The following EIF3H variants were observed in gnomAD, a reference collection of about 807,000 sequenced individuals.
EIF3H encodes the protein eIF-3-gamma.
In EIF3H, 26 loss-of-function variants were observed where a neutral mutation model predicts 44.2. The observed-to-expected ratio is 0.59, with a 90% CI of 0.43 to 0.82. The LOEUF (loss-of-function observed/expected upper bound fraction) is 0.82. Among genes scored for constraint, EIF3H ranks in the 40% least tolerant of loss-of-function variants. The probability of loss-of-function intolerance (pLI) is 0.00; values close to 1 mark genes in which losing one functional copy is unlikely to be tolerated. For synonymous variants in EIF3H, 166 were observed against 151.9 expected, an observed-to-expected ratio of 1.09 and a Z score of -0.68; for missense variants, 359 against 432.8, an observed-to-expected ratio of 0.83 and a Z score of 1.51.
At chr8:116,743,799 A>ATGTATAT (rs1563659950) in intron 1 of EIF3H, among the ~76,000 whole-genome samples, 1 of 87,064 alleles carries the variant, frequency 1.1e-5, no homozygotes. Flanking sequence ...TATATATATA[A>ATGTATAT]ACACACACAC....
At position 116,729,772 on chromosome 8, in the gene EIF3H, G is replaced by A. The variant is rs765093619; in HGVS notation, c.133-3600C>T. Among the ~76,000 whole-genome samples, 162 of 152,000 alleles carry A rather than the reference G, an allele frequency of 1.1e-3. 1 individual carries two copies. The highest frequency in any genetic ancestry group is 1.8e-3 in the Non-Finnish European group (123 of 67,996). On this transcript the variant is annotated intron_variant, in intron 1 of 7. Transcript: ENST00000521861. Reference sequence around the variant, plus strand: ...TAATGCAAATCTCTCTCTAGGCAAGGGACACTCAAAAAAAGCACTTTCCAA... The same window carrying A: ...TAATGCAAATCTCTCTCTAGGCAAGAGACACTCAAAAAAAGCACTTTCCAA...
At chr8:116,670,745 T>G (rs563571076) in intron 2 of EIF3H, among the ~76,000 whole-genome samples, 54 of 152,338 alleles carry the variant, frequency 3.5e-4, no homozygotes, top group Non-Finnish European at 7.2e-4. Context: ...ATGTTAGAAA[T>G]GTACCTTAGA....
At chr8:116,704,224 C>T (rs538463598) in intron 2 of EIF3H, among the ~76,000 whole-genome samples, 1 of 152,300 alleles carries the variant, frequency 6.6e-6, no homozygotes, top group South Asian at 2.1e-4. Context: ...GGACAAAGTA[C>T]TTAGCTTCTC....
chr8:116,661,461 T>A (rs1457799411), intron 2 of EIF3H, among the ~76,000 whole-genome samples: 1 of 152,228 alleles, frequency 6.6e-6, no homozygotes, highest in Non-Finnish European at 1.5e-5. Flanking sequence ...GCTCTGAGAT[T>A]TCCCCTGTGG....
chr8:116,743,799 A>ACAC (rs1563659950), intron 1 of EIF3H, among the ~76,000 whole-genome samples: 3 of 87,064 alleles, frequency 3.4e-5, no homozygotes, highest in African/African-American at 1.2e-4. Flanking sequence ...TATATATATA[A>ACAC]ACACACACAC....
chr8:116,761,229 G>A (rs866962357), intron 1 of EIF3H, among the ~76,000 whole-genome samples: 3 of 152,176 alleles, frequency 2.0e-5, no homozygotes, highest in Middle Eastern at 6.8e-3. Context: ...TGTTAGAGAC[G>A]GGCTGGGTGA....
chr8:116,662,307 A>C (rs964382238), intron 2 of EIF3H, among the ~76,000 whole-genome samples: 8 of 152,118 alleles, frequency 5.3e-5, no homozygotes, highest in Non-Finnish European at 1.0e-4. Context: ...CATATAAAGA[A>C]AGGACCTAAA....
intron 2 of EIF3H, 119 bp from the exon 3 acceptor site, chr8:116,659,099 G>C (rs1813543432): frequency 8.6e-6 from 7 of 809,700 alleles, no homozygotes; most frequent in Non-Finnish European, 1.3e-5. Context: ...ATAGGGAACA[G>C]GATTCCAGAT....
At chr8:116,647,103 T>TG (rs1043437033) in intron 6 of EIF3H, among the ~76,000 whole-genome samples, 1 of 152,126 alleles carries the variant, frequency 6.6e-6, no homozygotes, top group African/African-American at 2.4e-5. Context: ...TTCTTTTTTT[T>TG]GACACAGAGT....
Position 116,645,041 on chromosome 8 carries a change from A to G in EIF3H, c.1024T>C (p.Phe342Leu), listed in dbSNP as rs1813276106. Residue 342 changes from phenylalanine to leucine, a missense_variant, in exon 8 of 8, where the codon TTC becomes CTC. By Grantham distance (22) the Phe-to-Leu change is conservative. Around this residue, in one of 5 missense-constraint regions of EIF3H, gnomAD observed 94 missense variants for 96.0 expected, o/e 0.98. Coordinates refer to ENST00000521861, the MANE Select transcript of EIF3H (RefSeq NM_003756.3). ...TATTCTTGAAGAGCCTGGGCCATGA[A>G]GAGCTTGCCTAAGTTTTGGGCAGTG... Reference protein sequence around the residue: ...EFTAQNLGKLFMAQALQEYNN With the variant: ...EFTAQNLGKLLMAQALQEYNN 6.2e-7 allele frequency: 1 copy of G among 1,614,018 alleles called. No individual in the cohort carries two copies. Among genetic ancestry groups the G allele is most frequent in the Admixed American group, 1.7e-5 (1 of 60,012 alleles).
At chr8:116,647,231 A>C (rs538690670) in intron 6 of EIF3H, among the ~76,000 whole-genome samples, 85 of 151,952 alleles carry the variant, frequency 5.6e-4, no homozygotes, top group African/African-American at 2.0e-3. Flanking sequence ...CCTCCCGAGT[A>C]GTTGGGGTTA....
At chr8:116,673,516 C>T (rs1813791500) in intron 2 of EIF3H, among the ~76,000 whole-genome samples, 1 of 152,048 alleles carries the variant, frequency 6.6e-6, no homozygotes, top group African/African-American at 2.4e-5. Flanking sequence ...TGTTAAAAAA[C>T]TGTGATATTT....
chr8:116,681,634 C>G (rs561349531), intron 2 of EIF3H, among the ~76,000 whole-genome samples: 2 of 146,584 alleles, frequency 1.4e-5, no homozygotes, highest in South Asian at 4.3e-4. Flanking sequence ...CCATTGCACT[C>G]CAGCCTGGGC....
At chr8:116,735,955 C>T (rs945604949) in intron 1 of EIF3H, among the ~76,000 whole-genome samples, 5 of 152,114 alleles carry the variant, frequency 3.3e-5, no homozygotes, top group Non-Finnish European at 5.9e-5. Flanking sequence ...ATCATATCAG[C>T]GCTGAAAAAG....
chr8:116,751,374 T>C (rs887166935), intron 1 of EIF3H, among the ~76,000 whole-genome samples: 1 of 152,218 alleles, frequency 6.6e-6, no homozygotes, highest in African/African-American at 2.4e-5. Flanking sequence ...TATCCTACTT[T>C]GTGAATTAAC....
intron 2 of EIF3H, chr8:116,697,336 G>A (rs12541272): frequency 0.078 from 30,181 of 385,440 alleles, 1,831 homozygotes; most frequent in Admixed American, 0.19. Flanking sequence ...AAACATATGG[G>A]ATACTGAAGA....
intron 2 of EIF3H, among the ~76,000 whole-genome samples, chr8:116,684,621 C>A (rs1221570845): frequency 6.6e-6 from 1 of 151,854 alleles, no homozygotes; most frequent in African/African-American, 2.4e-5. Flanking sequence ...GAAGGAAAAA[C>A]ACAGAAATCT....
intron 2 of EIF3H, among the ~76,000 whole-genome samples, chr8:116,706,425 T>TCTC (rs1286089813): frequency 1.3e-5 from 2 of 152,312 alleles, no homozygotes; most frequent in East Asian, 3.9e-4. Context: ...GCTGAGCATA[T>TCTC]CTCCATTCCA....
chr8:116,749,102 A>T (rs1815286285), intron 1 of EIF3H, among the ~76,000 whole-genome samples: 1 of 152,204 alleles, frequency 6.6e-6, no homozygotes, highest in Non-Finnish European at 1.5e-5. Context: ...CTAATAAGAT[A>T]ACTTAAAGGG....
Sources: allele counts gnomAD v4.1 joint callset (sites outside exome capture counted in the v4.1 genomes callset), GRCh38; gene constraint gnomAD v4.1.1; regional missense constraint gnomAD v4.1.1; transcripts MANE v1.5; gene names NCBI Gene and HGNC (gene_info 2026-07-23, HGNC 2026-07-21).